The following KIF13B variants were observed in gnomAD, a reference collection of about 807,000 sequenced individuals.
The protein encoded by KIF13B is kinesin-like protein KIF13B.
In KIF13B, 127 loss-of-function variants were observed where a neutral mutation model predicts 222.0. The observed-to-expected ratio is 0.57, with a 90% CI of 0.50 to 0.66. KIF13B has a LOEUF of 0.66. Ranked by LOEUF, KIF13B falls within the 30% of genes least tolerant of loss-of-function variation. The pLI is 0.00. For missense variants in KIF13B, 2,173 were observed against 2,379.0 expected (o/e 0.91, Z 1.80); for synonymous variants, 976 against 919.0 (o/e 1.06, Z -1.12).
In KIF13B at chr8:29,067,310, A is replaced by C. The variant is rs1807042968; in HGVS notation, c.*3194T>G. ...GAGAAATGGTCTGGTTTTATTGAGA[A>C]GCTGTTGGTCATTTGATGGAAAGAC... On this transcript the variant is annotated 3_prime_UTR_variant, in exon 40 of 40. Transcript: ENST00000524189. 6.6e-6 allele frequency: 1 copy of C among 152,596 alleles called. No individual in the cohort carries two copies. The highest frequency in any genetic ancestry group is 6.5e-5 in the Admixed American group (1 of 15,286). The allele number at this position is 152,596 out of a possible 1,614,324, so 9.5% of individuals were successfully genotyped here. A position where few individuals can be genotyped will look rare whatever the true frequency, so the allele number is the denominator to read the frequency against.
At chr8:29,225,469 G>A (rs1345685302) in intron 2 of KIF13B, among the ~76,000 whole-genome samples, 1 of 152,214 alleles carries the variant, frequency 6.6e-6, no homozygotes, top group Non-Finnish European at 1.5e-5. Flanking sequence ...TAGGAGATCA[G>A]GTCAAAGGCT....
chr8:29,250,518 C>T (rs1816237160), intron 1 of KIF13B, among the ~76,000 whole-genome samples: 1 of 152,148 alleles, frequency 6.6e-6, no homozygotes, highest in Admixed American at 6.5e-5. Context: ...TACACCTAAC[C>T]TAAACTCATT....
chr8:29,071,715 G>C lies in KIF13B; in HGVS notation c.5123C>G (p.Thr1708Ser), dbSNP rs375844229. The change falls in exon 39 of 40, where the codon ACC becomes AGC. Residue 1708 changes from threonine to serine, a missense_variant. This residue lies in a region of KIF13B where 693 missense variants were observed against 656.2 expected (regional missense o/e 1.06). Coordinates refer to ENST00000524189, the MANE Select transcript of KIF13B (RefSeq NM_015254.4). The surrounding 1 kb of genome is among the most constrained non-coding windows in gnomAD (Gnocchi z 4.9). ...CACGCCCGTTTTGTGGGCGCCCACG[G>C]TGACGAACTCGCCCTCTCGGAGCCA... is the stretch of plus-strand genomic sequence containing the variant. ...PEWLREGEFV[T>S]VGAHKTGVVR... The C allele has an allele frequency of 7.3e-5, 113 of 1,550,332 alleles. No homozygotes were observed. Among genetic ancestry groups the C allele is most frequent in the Non-Finnish European group, 9.0e-5 (103 of 1,146,890 alleles).
At chr8:29,188,492 G>A (rs750313941) in intron 5 of KIF13B, 23 bp downstream of exon 5, 8 of 1,377,390 alleles carry the variant, frequency 5.8e-6, no homozygotes, top group Non-Finnish European at 7.2e-6. Flanking sequence ...TTGTTTATGT[G>A]ATTTCATGTT....
chr8:29,171,759 CT>C lies in KIF13B; in HGVS notation c.946-4175del, dbSNP rs869072795. Among the ~76,000 whole-genome samples, 1,167 of 128,386 alleles carry C rather than the reference CT, an allele frequency of 9.1e-3. 11 individuals carry two copies. The highest frequency in any genetic ancestry group is 0.043 in the Admixed American group (533 of 12,486). 84.2% of individuals were successfully genotyped at this position (128,386 alleles called of 152,430 possible). Reference sequence around the variant, plus strand: ...AAAAATCATATAATTTTTTTTTCTTCTTTTTTTTTTTTTTTTGAGATGGAGT... The same window carrying C: ...AAAAATCATATAATTTTTTTTTCTTCTTTTTTTTTTTTTTTGAGATGGAGT... On this transcript the variant is annotated intron_variant, in intron 10 of 39. Coordinates refer to ENST00000524189, the MANE Select transcript of KIF13B (RefSeq NM_015254.4).
chr8:29,203,233 C>T (rs1813777259), intron 2 of KIF13B, among the ~76,000 whole-genome samples: 1 of 152,200 alleles, frequency 6.6e-6, no homozygotes. Flanking sequence ...CTATCTCCAA[C>T]TACATCTTTT....
At chr8:29,248,330 C>T (rs1309465534) in intron 1 of KIF13B, among the ~76,000 whole-genome samples, 2 of 152,126 alleles carry the variant, frequency 1.3e-5, no homozygotes, top group African/African-American at 4.8e-5. Flanking sequence ...ATATCCCTAG[C>T]GCAGAACACT....
At chr8:29,167,612 A>G in intron 10 of KIF13B, 27 bp from the exon 11 acceptor site, 1 of 1,572,190 alleles carries the variant, frequency 6.4e-7, no homozygotes, top group Non-Finnish European at 8.8e-7. Flanking sequence ...AAAGTTGAGT[A>G]GCATATTAAA....
rs956510472 is a variant in KIF13B at position 29,071,533 on chromosome 8, C to T, written c.5218+87G>A. Reference sequence around the variant, plus strand: ...CCTCCCGGCCCCTCCCTCTCCTGCCCGGACCCTGTCCCCTCCCAGGCCGGC... The same window carrying T: ...CCTCCCGGCCCCTCCCTCTCCTGCCTGGACCCTGTCCCCTCCCAGGCCGGC... On this transcript the variant is annotated intron_variant, in intron 39 of 39. Transcript: ENST00000524189. The surrounding 1 kb of genome is among the most constrained non-coding windows in gnomAD (Gnocchi z 4.9). 4 of 1,260,112 alleles carry T rather than the reference C, an allele frequency of 3.2e-6. No homozygotes were observed. Among genetic ancestry groups the T allele is most frequent in the Non-Finnish European group, 4.4e-6 (4 of 899,120 alleles). 78.1% of individuals were successfully genotyped at this position (1,260,112 alleles called of 1,614,324 possible).
At position 29,245,368 on chromosome 8, in the gene KIF13B, T is replaced by A. The variant is rs1179025657; in HGVS notation, c.127A>T (p.Asn43Tyr). Reference protein sequence around the residue: ...NKVILNPVNTNLSKGDARGQP... With the variant: ...NKVILNPVNTYLSKGDARGQP... Reference sequence around the variant, plus strand: ...CACCGGGCATCTCCTTTGGAAAGATTCGTATTTACAGGATTAAGAATAACC... The same window carrying A: ...CACCGGGCATCTCCTTTGGAAAGATACGTATTTACAGGATTAAGAATAACC... The change falls in exon 2 of 40, where the codon AAT becomes TAT. Residue 43 changes from asparagine (N) to tyrosine (Y), a missense_variant. By Grantham distance (143) the Asn-to-Tyr change is moderately radical (BLOSUM62 -2). This residue lies in a region of KIF13B where 1,480 missense variants were observed against 1,722.8 expected (regional missense o/e 0.86). Transcript: ENST00000524189. 2.5e-6 allele frequency: 4 copies of A among 1,599,142 alleles called. No homozygotes were observed. The African/African-American group carries it at 5.3e-5, about 21-fold the overall frequency.
intron 18 of KIF13B, 195 bp downstream of exon 18, chr8:29,146,183 C>G: frequency 1.6e-6 from 1 of 632,834 alleles, no homozygotes; most frequent in East Asian, 2.7e-5. Context: ...GTATATTCCC[C>G]TAGCAGATAA....
At chr8:29,204,572 T>C (rs574145383) in intron 2 of KIF13B, among the ~76,000 whole-genome samples, 1 of 152,332 alleles carries the variant, frequency 6.6e-6, no homozygotes, top group East Asian at 1.9e-4. Context: ...AAAGAAAGTT[T>C]AAATCTGGCC....
intron 6 of KIF13B, among the ~76,000 whole-genome samples, chr8:29,182,342 C>A (rs931575002): frequency 1.3e-5 from 2 of 151,996 alleles, no homozygotes; most frequent in Non-Finnish European, 2.9e-5. Context: ...GTTAACTGTG[C>A]GAGAAAGGAA....
chr8:29,179,867 C>T (rs1192679427), intron 8 of KIF13B, among the ~76,000 whole-genome samples: 2 of 152,128 alleles, frequency 1.3e-5, no homozygotes, highest in Non-Finnish European at 2.9e-5. Flanking sequence ...AGTTATTCCT[C>T]GAGAGGCAGT....
chr8:29,074,823 G>A (rs1013258107), intron 38 of KIF13B, among the ~76,000 whole-genome samples: 11 of 152,202 alleles, frequency 7.2e-5, no homozygotes, highest in African/African-American at 1.2e-4. Flanking sequence ...GAATGAAAGC[G>A]CAGTGGGAGA....
chr8:29,214,934 G>A (rs991601940), intron 2 of KIF13B, among the ~76,000 whole-genome samples: 10 of 152,190 alleles, frequency 6.6e-5, no homozygotes, highest in Admixed American at 6.5e-4. Context: ...GCGCATGACT[G>A]TGATAGAGTG....
At chr8:29,154,183 A>G (rs936919) in intron 14 of KIF13B, among the ~76,000 whole-genome samples, 62,881 of 151,960 alleles carry the variant, frequency 0.41, 14,965 homozygotes, top group African/African-American at 0.66. Flanking sequence ...TGGGTGTGGT[A>G]ACACGCACCT....
At chr8:29,231,271 G>A (rs760148162) in intron 2 of KIF13B, among the ~76,000 whole-genome samples, 18 of 152,194 alleles carry the variant, frequency 1.2e-4, no homozygotes, top group Non-Finnish European at 2.5e-4. Context: ...TACGGGTTCG[G>A]CCTGATAAAT....
chr8:29,183,360 C>T (rs548920570), intron 6 of KIF13B, among the ~76,000 whole-genome samples: 9 of 152,098 alleles, frequency 5.9e-5, no homozygotes, highest in Non-Finnish European at 1.3e-4. Context: ...CCATGTTGGC[C>T]AGGCTGGTCT....
Sources: gnomAD v4.1 joint callset for allele counts (sites outside exome capture counted in the v4.1 genomes callset) on GRCh38, gnomAD v4.1.1 for gene constraint, gnomAD v4.1.1 regional missense constraint, Gnocchi (gnomAD v3.1) non-coding constraint, MANE v1.5 for transcripts, NCBI Gene and HGNC (gene_info 2026-07-23, HGNC 2026-07-21) for gene names.